SNPH: variants seen among roughly 807,000 people sequenced by gnomAD.
The protein encoded by SNPH is syntaphilin.
Under a neutral mutation model 36.8 loss-of-function variants are expected in SNPH, and 10 were observed. That is an observed-to-expected ratio of 0.27 (90% CI 0.17 to 0.46). SNPH has a LOEUF of 0.46. SNPH is among the 20% of genes least tolerant of loss of function. The pLI is 1.00. For synonymous variants in SNPH, 281 were observed against 312.2 expected (o/e 0.90, Z 1.05); for missense variants, 622 against 744.0 (o/e 0.84, Z 1.91).
Position 1,276,448 on chromosome 20 carries a change from C to T in SNPH, c.-493+9688C>T, listed in dbSNP as rs2088133074. 6.6e-6 allele frequency among the ~76,000 whole-genome samples: 1 copy of T among 152,206 alleles called. No homozygotes were observed. The highest frequency in any genetic ancestry group is 2.4e-5 in the African/African-American group (1 of 41,458). Reference sequence around the variant, plus strand: ...GATACACTTGGACTGCTGTCTCCGTCTCTGCCGTGGACTGACTTTGTGACT... The same window carrying T: ...GATACACTTGGACTGCTGTCTCCGTTTCTGCCGTGGACTGACTTTGTGACT... On this transcript the variant is annotated intron_variant, in intron 2 of 6. Transcript: ENST00000381867. The surrounding 1 kb of genome is among the most constrained non-coding windows in gnomAD (Gnocchi z 4.6).
At chr20:1,284,743 G>A (rs2088264251) in intron 2 of SNPH, among the ~76,000 whole-genome samples, 1 of 152,134 alleles carries the variant, frequency 6.6e-6, no homozygotes, top group African/African-American at 2.4e-5. Context: ...GGTGGCTAGA[G>A]CAGAGTGAAT....
In SNPH at chr20:1,306,082, C is replaced by A; in HGVS notation, c.*28C>A. On this transcript the variant is annotated 3_prime_UTR_variant, in exon 7 of 7. Coordinates refer to ENST00000381867, the MANE Select transcript of SNPH (RefSeq NM_001318234.2). ...GGGCCCATTCTGGCAGCGGCGCCTG[C>A]GGCCTGACCACTGATTGTAGGGATG... is the stretch of plus-strand genomic sequence containing the variant. 1 of 1,411,642 alleles carries A rather than the reference C, an allele frequency of 7.1e-7. No homozygotes were observed. The highest frequency in any genetic ancestry group is 9.2e-7 in the Non-Finnish European group (1 of 1,083,372). 87.4% of individuals were successfully genotyped at this position (1,411,642 alleles called of 1,614,324 possible).
At position 1,304,405 on chromosome 20, in the gene SNPH, G is replaced by C. The variant is rs1028263056; in HGVS notation, c.441-473G>C. On this transcript the variant is annotated intron_variant, in intron 6 of 6. Coordinates refer to ENST00000381867, the MANE Select transcript of SNPH (RefSeq NM_001318234.2). This position sits in a 1 kb window ranked among gnomAD's most constrained non-coding sequence, Gnocchi z 4.3. The stretch of plus-strand genomic sequence containing the variant: ...CCTCCACTGAAACTTTCTGCAACCT[G>C]CTTTAGTAGGTAGTAGGAGGCTACA... 6.6e-6 allele frequency among the ~76,000 whole-genome samples: 1 copy of C among 152,158 alleles called. No homozygotes were observed. Among genetic ancestry groups the C allele is most frequent in the African/African-American group, 2.4e-5 (1 of 41,426 alleles).
At chr20:1,267,939 G>A (rs940948810) in intron 2 of SNPH, among the ~76,000 whole-genome samples, 2 of 152,200 alleles carry the variant, frequency 1.3e-5, no homozygotes, top group Non-Finnish European at 2.9e-5. Context: ...TGAGATGTAT[G>A]TGGAAGCACC....
chr20:1,280,991 A>C (rs572786592), intron 2 of SNPH, among the ~76,000 whole-genome samples: 18 of 151,770 alleles, frequency 1.2e-4, no homozygotes, highest in African/African-American at 4.1e-4. Flanking sequence ...TGTCTCTGCA[A>C]CTCTGGGTGG....
chr20:1,268,335 C>T (rs963473330), intron 2 of SNPH, among the ~76,000 whole-genome samples: 2 of 152,172 alleles, frequency 1.3e-5, no homozygotes, highest in African/African-American at 2.4e-5. Flanking sequence ...TCAGGTCTTC[C>T]GGATCTCACA....
chr20:1,270,737 T>C (rs2088063137), intron 2 of SNPH, among the ~76,000 whole-genome samples: 1 of 152,236 alleles, frequency 6.6e-6, no homozygotes, highest in Non-Finnish European at 1.5e-5. Context: ...AATCATCTGA[T>C]AGGCTTGGGG....
Position 1,285,178 on chromosome 20 carries a change from AG to A in SNPH, c.-492-9772del, listed in dbSNP as rs2088270496. Among the ~76,000 whole-genome samples, 1 of 152,210 alleles carries A rather than the reference AG, an allele frequency of 6.6e-6. No homozygotes were observed. The highest frequency in any genetic ancestry group is 6.5e-5 in the Admixed American group (1 of 15,280). ...GATTGCCATTAACTGAAATGAGGGA[AG>A]CTGCAGAAAAACAGATTTTTAAGGC... is the stretch of plus-strand genomic sequence containing the variant. On this transcript the variant is annotated intron_variant, in intron 2 of 6. Coordinates refer to ENST00000381867, the MANE Select transcript of SNPH (RefSeq NM_001318234.2). This position sits in a 1 kb window ranked among gnomAD's most constrained non-coding sequence, Gnocchi z 4.9.
chr20:1,307,380 C>CT lies in SNPH; in HGVS notation c.*1330dup, dbSNP rs989204905. ...GCCTGGGAAGTTCACTGCCCCAACT[C>CT]TTTTCCCGGGACCATACTGAGTCCC... On this transcript the variant is annotated 3_prime_UTR_variant, in exon 7 of 7. Transcript: ENST00000381867. 1.3e-5 allele frequency: 2 copies of CT among 152,284 alleles called. No homozygotes were observed. Among genetic ancestry groups the CT allele is most frequent in the Non-Finnish European group, 1.5e-5 (1 of 68,076 alleles). 9.4% of individuals were successfully genotyped at this position (152,284 alleles called of 1,614,324 possible). A position where few individuals can be genotyped will look rare whatever the true frequency, so the allele number is the denominator to read the frequency against.
rs2088274702 is a variant in SNPH, at chr20:1,285,514, G to A, written c.-492-9437G>A. Among the ~76,000 whole-genome samples, 1 of 152,180 alleles carries A rather than the reference G, an allele frequency of 6.6e-6. No individual in the cohort carries two copies. The highest frequency in any genetic ancestry group is 1.5e-5 in the Non-Finnish European group (1 of 68,020). ...TAATTACTGCTATTTACGGAGTGCT[G>A]TCCCTATGCCAGGTCCTTGCTAGGC... On this transcript the variant is annotated intron_variant, in intron 2 of 6. Coordinates refer to ENST00000381867, the MANE Select transcript of SNPH (RefSeq NM_001318234.2). The surrounding 1 kb of genome is among the most constrained non-coding windows in gnomAD (Gnocchi z 4.9).
intron 2 of SNPH, among the ~76,000 whole-genome samples, chr20:1,290,089 G>A (rs906090835): frequency 8.6e-5 from 13 of 151,914 alleles, no homozygotes; most frequent in Non-Finnish European, 1.8e-4. Flanking sequence ...GTGCGTGCCT[G>A]TAATCCCAGC....
chr20:1,274,158 G>A (rs73073662), intron 2 of SNPH, among the ~76,000 whole-genome samples: 564 of 152,254 alleles, frequency 3.7e-3, no homozygotes, highest in Non-Finnish European at 5.8e-3. Context: ...GTGGGGTGGG[G>A]ACTCTGACAC....
At chr20:1,274,159 A>T (rs569458934) in intron 2 of SNPH, among the ~76,000 whole-genome samples, 27 of 152,018 alleles carry the variant, frequency 1.8e-4, no homozygotes, top group Non-Finnish European at 3.2e-4. Flanking sequence ...TGGGGTGGGG[A>T]CTCTGACACA....
chr20:1,272,684 G>GC (rs1367180031), intron 2 of SNPH, among the ~76,000 whole-genome samples: 2 of 152,240 alleles, frequency 1.3e-5, no homozygotes, highest in African/African-American at 2.4e-5. Context: ...TTATTGGCTG[G>GC]CCCACAGATG....
chr20:1,286,839 G>C (rs1335317789), intron 2 of SNPH, among the ~76,000 whole-genome samples: 1 of 152,150 alleles, frequency 6.6e-6, no homozygotes, highest in Non-Finnish European at 1.5e-5. Context: ...GCTGGGTGGG[G>C]GCTTTGTCTG....
intron 2 of SNPH, among the ~76,000 whole-genome samples, chr20:1,284,033 TAC>T (rs1242490510): frequency 2.0e-5 from 3 of 152,214 alleles, no homozygotes; most frequent in African/African-American, 7.2e-5. Context: ...TAACCTCATG[TAC>T]ACACAAGGAA....
At chr20:1,283,001 A>G (rs2088243962) in intron 2 of SNPH, among the ~76,000 whole-genome samples, 1 of 152,206 alleles carries the variant, frequency 6.6e-6, no homozygotes, top group Admixed American at 6.5e-5. Flanking sequence ...GAGCCAGTGT[A>G]GGCTGAGCCT....
chr20:1,303,312 C>A (rs1443735872), intron 6 of SNPH, among the ~76,000 whole-genome samples: 1 of 152,234 alleles, frequency 6.6e-6, no homozygotes, highest in African/African-American at 2.4e-5. Flanking sequence ...GATGTGATGC[C>A]CACTGAGGCG....
In SNPH at chr20:1,306,773, A is replaced by C. The variant is rs2088584748; in HGVS notation, c.*719A>C. 6.6e-6 allele frequency: 1 copy of C among 152,424 alleles called. No individual in the cohort carries two copies. Among genetic ancestry groups the C allele is most frequent in the Non-Finnish European group, 1.5e-5 (1 of 68,318 alleles). The allele number at this position is 152,424 out of a possible 1,614,324, so 9.4% of individuals were successfully genotyped here. On this transcript the variant is annotated 3_prime_UTR_variant, in exon 7 of 7. Transcript: ENST00000381867. Reference sequence around the variant, plus strand: ...TTCCCGTCATCCCTTTCCTCTTGGCACTTCTGGGTGTGTCAGTCATTATTC... The same window carrying C: ...TTCCCGTCATCCCTTTCCTCTTGGCCCTTCTGGGTGTGTCAGTCATTATTC...
Sources: gnomAD v4.1 joint callset for allele counts (sites outside exome capture counted in the v4.1 genomes callset) on GRCh38, gnomAD v4.1.1 for gene constraint, Gnocchi (gnomAD v3.1) non-coding constraint, MANE v1.5 for transcripts, NCBI Gene and HGNC (gene_info 2026-07-23, HGNC 2026-07-21) for gene names.